The following GALNT11 variants were observed in gnomAD, a reference collection of about 807,000 sequenced individuals.
The protein encoded by GALNT11 is UDP-GalNAc:polypeptide N-acetylgalactosaminyltransferase 11.
In GALNT11, 47 loss-of-function variants were observed where a neutral mutation model predicts 72.7. That is an observed-to-expected ratio of 0.65 (90% CI 0.51 to 0.82). The LOEUF is 0.82. Among genes scored for constraint, GALNT11 ranks in the 40% least tolerant of loss-of-function variants. GALNT11 has a pLI of 0.00. For synonymous variants in GALNT11, 270 were observed against 286.6 expected (o/e 0.94, Z 0.58); for missense variants, 677 against 778.4 (o/e 0.87, Z 1.55).
At chr7:152,098,467 C>T (rs774728352) in intron 2 of GALNT11, among the ~76,000 whole-genome samples, 4 of 151,822 alleles carry the variant, frequency 2.6e-5, no homozygotes, top group Non-Finnish European at 4.4e-5. Flanking sequence ...AAATTAAAAA[C>T]ATTTTCTCAT....
intron 1 of GALNT11, among the ~76,000 whole-genome samples, chr7:152,028,351 G>A (rs968928673): frequency 8.5e-5 from 13 of 152,168 alleles, no homozygotes; most frequent in African/African-American, 2.9e-4. Context: ...TTTACAGAGT[G>A]CTGATTGGTG....
At chr7:152,060,941 C>T (rs2083974104) in intron 1 of GALNT11, among the ~76,000 whole-genome samples, 1 of 152,160 alleles carries the variant, frequency 6.6e-6, no homozygotes, top group Non-Finnish European at 1.5e-5. Flanking sequence ...CATACGTGTG[C>T]ATGTGTCTTT....
intron 5 of GALNT11, 139 bp from the exon 6 acceptor site, chr7:152,107,899 G>T: frequency 1.1e-6 from 1 of 927,432 alleles, no homozygotes; most frequent in Admixed American, 2.4e-5. Context: ...GAAGTGTAGT[G>T]GAGCAGTTAG....
At position 152,113,816 on chromosome 7, in the gene GALNT11, A is replaced by G. The variant is rs1175771065; in HGVS notation, c.1233+418A>G. Among the ~76,000 whole-genome samples, 13 of 139,278 alleles carry G rather than the reference A, an allele frequency of 9.3e-5. No homozygotes were observed. In the Admixed American group the frequency reaches 1.0e-3, roughly 11 times the overall value. The allele number at this position is 139,278 out of a possible 152,430, so 91.4% of individuals were successfully genotyped here. ...CAGTGGTGTGATCACGGCTCACTGCAGCCTCAGTCTCCTGGGCTCAAGTGA... is the reference window on the plus strand; with the variant it reads ...CAGTGGTGTGATCACGGCTCACTGCGGCCTCAGTCTCCTGGGCTCAAGTGA... On this transcript the variant is annotated intron_variant, in intron 8 of 11. Coordinates refer to ENST00000430044, the MANE Select transcript of GALNT11 (RefSeq NM_022087.4).
chr7:152,100,247 T>A (rs1453949925), intron 2 of GALNT11, among the ~76,000 whole-genome samples: 1 of 152,032 alleles, frequency 6.6e-6, no homozygotes, highest in African/African-American at 2.4e-5. Flanking sequence ...TAAATTTTTC[T>A]TTTGAATATA....
At chr7:152,051,652 G>T (rs7792630) in intron 1 of GALNT11, among the ~76,000 whole-genome samples, 11,381 of 152,146 alleles carry the variant, frequency 0.075, 1,467 homozygotes, top group African/African-American at 0.26. Context: ...AATCACAGAT[G>T]TAGGGTAGAC....
At chr7:152,026,176 A>G (rs1342673028) in intron 1 of GALNT11, among the ~76,000 whole-genome samples, 2 of 152,194 alleles carry the variant, frequency 1.3e-5, no homozygotes, top group East Asian at 3.9e-4. Context: ...CTGATCCTGC[A>G]GCCTCCCCCA....
At chr7:152,030,292 C>T (rs2082245943) in intron 1 of GALNT11, among the ~76,000 whole-genome samples, 1 of 152,118 alleles carries the variant, frequency 6.6e-6, no homozygotes, top group African/African-American at 2.4e-5. Context: ...GACCAAGGAG[C>T]CCTCTGGTGG....
chr7:152,121,084 C>A, intron 11 of GALNT11, 116 bp downstream of exon 11: 3 of 1,250,704 alleles, frequency 2.4e-6, no homozygotes, highest in African/African-American at 1.5e-5. Flanking sequence ...GTCTGCAGTA[C>A]AGTGGTCCCC....
chr7:152,025,996 G>A (rs1451347161), intron 1 of GALNT11, 112 bp downstream of exon 1: 2 of 153,726 alleles, frequency 1.3e-5, no homozygotes, highest in Non-Finnish European at 2.9e-5. Flanking sequence ...GGCAGCGCCT[G>A]GCTCCCCGCG....
At chr7:152,069,234 A>G (rs1418639855) in intron 1 of GALNT11, among the ~76,000 whole-genome samples, 1 of 151,970 alleles carries the variant, frequency 6.6e-6, no homozygotes, top group African/African-American at 2.4e-5. Flanking sequence ...ATATTGGGGG[A>G]TTTTCCAGAT....
At chr7:152,064,132 T>A (rs1350687167) in intron 1 of GALNT11, among the ~76,000 whole-genome samples, 1 of 152,218 alleles carries the variant, frequency 6.6e-6, no homozygotes, top group African/African-American at 2.4e-5. Context: ...GCTTTATGAA[T>A]CTGGGTGCTC....
intron 1 of GALNT11, among the ~76,000 whole-genome samples, chr7:152,036,876 T>G (rs2082606420): frequency 6.6e-6 from 1 of 152,234 alleles, no homozygotes; most frequent in South Asian, 2.1e-4. Flanking sequence ...TTGCTATTTG[T>G]ATGTCTTATT....
At chr7:152,028,685 C>T (rs975820688) in intron 1 of GALNT11, among the ~76,000 whole-genome samples, 35 of 152,166 alleles carry the variant, frequency 2.3e-4, no homozygotes, top group Non-Finnish European at 2.4e-4. Flanking sequence ...CAATCCCCCC[C>T]CTCTAAACAG....
intron 1 of GALNT11, among the ~76,000 whole-genome samples, chr7:152,047,053 C>T (rs1337294105): frequency 6.6e-6 from 1 of 152,146 alleles, no homozygotes; most frequent in African/African-American, 2.4e-5. Context: ...ATTGTCTAAA[C>T]AAAGAGGCAA....
chr7:152,087,458 A>T (rs1236134995), intron 1 of GALNT11, among the ~76,000 whole-genome samples: 1 of 152,218 alleles, frequency 6.6e-6, no homozygotes, highest in Non-Finnish European at 1.5e-5. Context: ...GACAAAATGA[A>T]TGCAGAGAGA....
chr7:152,060,429 T>C (rs1035709448), intron 1 of GALNT11, among the ~76,000 whole-genome samples: 4 of 152,206 alleles, frequency 2.6e-5, no homozygotes, highest in African/African-American at 9.7e-5. Context: ...TCAGCCCATC[T>C]TGGCTTTCCA....
intron 1 of GALNT11, among the ~76,000 whole-genome samples, chr7:152,050,444 T>G (rs2083339235): frequency 6.6e-6 from 1 of 152,168 alleles, no homozygotes; most frequent in South Asian, 2.1e-4. Flanking sequence ...AATGGGAGCT[T>G]CAGGACTTTG....
At chr7:152,101,205 A>G (rs942808127) in intron 3 of GALNT11, among the ~76,000 whole-genome samples, 2 of 152,164 alleles carry the variant, frequency 1.3e-5, no homozygotes, top group Non-Finnish European at 2.9e-5. Context: ...TTTGTTCTAA[A>G]TGTTTATTGA....
Sources: gnomAD v4.1 joint callset for allele counts (sites outside exome capture counted in the v4.1 genomes callset) on GRCh38, gnomAD v4.1.1 for gene constraint, MANE v1.5 for transcripts, NCBI Gene and HGNC (gene_info 2026-07-23, HGNC 2026-07-21) for gene names.